Variants in CENPP observed in about 807,000 individuals in gnomAD.
The protein encoded by CENPP is centromere protein P.
Under a neutral mutation model 35.6 loss-of-function variants are expected in CENPP, and 24 were observed. The ratio of observed to expected loss-of-function variants is 0.67; its 90% CI spans 0.49 to 0.95. The LOEUF (loss-of-function observed/expected upper bound fraction) is 0.95. Among genes scored for constraint, CENPP ranks in the 40% least tolerant of loss-of-function variants. CENPP has a pLI of 0.00. For synonymous variants in CENPP, 120 were observed against 125.5 expected (o/e 0.96, Z 0.29); for missense variants, 332 against 345.3 (o/e 0.96, Z 0.31).
chr9:92,581,330 C>CATT (rs1189850820), intron 5 of CENPP, among the ~76,000 whole-genome samples: 1 of 152,016 alleles, frequency 6.6e-6, no homozygotes, highest in African/African-American at 2.4e-5. Flanking sequence ...ATAAGACATA[C>CATT]ATTATAGTTT....
intron 5 of CENPP, chr9:92,515,125 G>A: frequency 2.5e-6 from 4 of 1,613,246 alleles, no homozygotes; most frequent in Non-Finnish European, 3.4e-6. Flanking sequence ...TAAATTGGTA[G>A]GTTCTCTTTG....
intron 5 of CENPP, among the ~76,000 whole-genome samples, chr9:92,395,430 T>G (rs1242715182): frequency 6.6e-6 from 1 of 152,242 alleles, no homozygotes; most frequent in Non-Finnish European, 1.5e-5. Flanking sequence ...TCATTTCATA[T>G]GGACATTGGG....
intron 5 of CENPP, among the ~76,000 whole-genome samples, chr9:92,497,665 A>C (rs1846427875): frequency 6.6e-6 from 1 of 151,546 alleles, no homozygotes; most frequent in African/African-American, 2.4e-5. Flanking sequence ...AAAAAAGGGT[A>C]GAAAAAATAC....
chr9:92,619,578 G>A lies in CENPP; in HGVS notation c.*6429G>A. On this transcript the variant is annotated 3_prime_UTR_variant, in exon 8 of 8. Transcript: ENST00000375587. ...GGTACTGCTGCACCTGCAGGGGCGG[G>A]AAAGATCAGCTCCAGGTCACACAGG... The A allele has an allele frequency of 1.9e-6, 3 of 1,568,336 alleles. No homozygotes were observed. Among genetic ancestry groups the A allele is most frequent in the Non-Finnish European group, 2.6e-6 (3 of 1,155,880 alleles).
At chr9:92,534,742 A>G (rs1182692956) in intron 5 of CENPP, among the ~76,000 whole-genome samples, 1 of 152,200 alleles carries the variant, frequency 6.6e-6, no homozygotes, top group Non-Finnish European at 1.5e-5. Flanking sequence ...GAAAACCTGA[A>G]CTGAGAGACA....
At chr9:92,474,495 C>A in intron 5 of CENPP, 2 of 1,356,400 alleles carry the variant, frequency 1.5e-6, no homozygotes, top group African/African-American at 3.0e-5. Context: ...TACTTTCCAC[C>A]TAAAAACTTA....
chr9:92,365,280 T>C (rs559846121), intron 4 of CENPP, among the ~76,000 whole-genome samples: 2 of 152,232 alleles, frequency 1.3e-5, no homozygotes, highest in East Asian at 1.9e-4. Context: ...GAAGGCCTCA[T>C]TGAGAATGTG....
chr9:92,342,423 T>C (rs559942412), intron 3 of CENPP, among the ~76,000 whole-genome samples: 1 of 152,336 alleles, frequency 6.6e-6, no homozygotes, highest in South Asian at 2.1e-4. Flanking sequence ...ACCTAGTAAT[T>C]GCTGAGTCTC....
intron 5 of CENPP, among the ~76,000 whole-genome samples, chr9:92,431,094 A>G (rs1844097140): frequency 6.6e-6 from 1 of 152,016 alleles, no homozygotes; most frequent in African/African-American, 2.4e-5. Flanking sequence ...GCGCCTGGCC[A>G]GTTTCTTTAT....
chr9:92,387,449 A>G (rs1842481818), intron 5 of CENPP, among the ~76,000 whole-genome samples: 1 of 151,696 alleles, frequency 6.6e-6, no homozygotes, highest in African/African-American at 2.4e-5. Context: ...AGCTTGATGC[A>G]GGTTTTTTCC....
intron 4 of CENPP, among the ~76,000 whole-genome samples, chr9:92,364,166 G>T (rs1219839909): frequency 6.6e-6 from 1 of 150,600 alleles, no homozygotes. Context: ...GTTGTTTCTT[G>T]TAGTGAAGGC....
chr9:92,582,085 C>T (rs1269426476), intron 5 of CENPP, among the ~76,000 whole-genome samples: 1 of 151,134 alleles, frequency 6.6e-6, no homozygotes, highest in Non-Finnish European at 1.5e-5. Flanking sequence ...ACAGGATCTC[C>T]CTTTGTCACT....
rs558734431 is a variant in CENPP at position 92,398,923 on chromosome 9, G to A, written c.564+19064G>A. 1.0e-3 allele frequency among the ~76,000 whole-genome samples: 157 copies of A among 152,164 alleles called. 1 individual carries two copies. Among genetic ancestry groups the A allele is most frequent in the African/African-American group, 3.8e-3 (156 of 41,506 alleles). ...TAAAAATACAATAAATTAGCCTGGC[G>A]TGGTGGCGCGTGCCTGTAATCCCAG... On this transcript the variant is annotated intron_variant, in intron 5 of 7. Coordinates refer to ENST00000375587, the MANE Select transcript of CENPP (RefSeq NM_001012267.3).
intron 5 of CENPP, among the ~76,000 whole-genome samples, chr9:92,585,571 A>G (rs79911437): frequency 0.038 from 5,785 of 152,304 alleles, 149 homozygotes; most frequent in Middle Eastern, 0.075. Context: ...TTTACAGTTT[A>G]AGAAACTGCC....
chr9:92,567,373 G>GAGAT (rs1554688241), intron 5 of CENPP, among the ~76,000 whole-genome samples: 1 of 129,090 alleles, frequency 7.7e-6, no homozygotes, highest in Non-Finnish European at 1.6e-5. Context: ...ACATAAGATA[G>GAGAT]ATATATATAT....
chr9:92,502,374 A>G, intron 5 of CENPP: 2 of 1,057,548 alleles, frequency 1.9e-6, no homozygotes, highest in Non-Finnish European at 2.7e-6. Context: ...GTAAGGGTTC[A>G]CTAAGAAACG....
chr9:92,502,116 T>G (rs924270239), intron 5 of CENPP, among the ~76,000 whole-genome samples: 2 of 152,150 alleles, frequency 1.3e-5, no homozygotes, highest in African/African-American at 4.8e-5. Flanking sequence ...TGCAGGGGAA[T>G]AATCCTTCAT....
At chr9:92,360,024 A>G (rs533540576) in intron 4 of CENPP, among the ~76,000 whole-genome samples, 8 of 152,276 alleles carry the variant, frequency 5.3e-5, no homozygotes, top group African/African-American at 1.9e-4. Flanking sequence ...GTTATATCAA[A>G]CAGATTCTGC....
chr9:92,594,721 G>C (rs1564015018), intron 5 of CENPP, among the ~76,000 whole-genome samples: 1 of 152,024 alleles, frequency 6.6e-6, no homozygotes, highest in Non-Finnish European at 1.5e-5. Context: ...TTGGGAGGCT[G>C]GGGTGGAGGG....
Sources: gnomAD v4.1 joint callset for allele counts (sites outside exome capture counted in the v4.1 genomes callset) on GRCh38, gnomAD v4.1.1 for gene constraint, MANE v1.5 for transcripts, NCBI Gene and HGNC (gene_info 2026-07-23, HGNC 2026-07-21) for gene names.